Variants in GLIS3 observed in about 807,000 individuals in gnomAD.
GLIS3 encodes zinc finger protein GLIS3.
In GLIS3, 53 loss-of-function variants were observed where a neutral mutation model predicts 78.6. The observed-to-expected ratio is 0.67, with a 90% CI of 0.54 to 0.85. The LOEUF is 0.85. Among genes scored for constraint, GLIS3 ranks in the 40% least tolerant of loss-of-function variants. The pLI is 0.00. For synonymous variants in GLIS3, 684 were observed against 509.9 expected, an observed-to-expected ratio of 1.34 and a Z score of -4.60; for missense variants, 1,703 against 1,231.1, an observed-to-expected ratio of 1.38 and a Z score of -5.74.
chr9:4,132,596 T>A (rs934759400), intron 2 of GLIS3, among the ~76,000 whole-genome samples: 2 of 151,970 alleles, frequency 1.3e-5, no homozygotes, highest in Non-Finnish European at 2.9e-5. Flanking sequence ...TGCCAACCAC[T>A]AGCCAGGCAG....
chr9:4,319,405 G>A (rs1167285749), intron 2 of GLIS3, among the ~76,000 whole-genome samples: 8 of 152,126 alleles, frequency 5.3e-5, no homozygotes, highest in Admixed American at 2.6e-4. Flanking sequence ...GAAGGTACAT[G>A]GAAGCTCATT....
upstream of GLIS3, among the ~76,000 whole-genome samples, chr9:4,304,623 G>C (rs376276846): frequency 6.6e-6 from 1 of 152,282 alleles, no homozygotes; most frequent in Non-Finnish European, 1.5e-5. Context: ...AGAGAAGAAG[G>C]TGAATTATTT....
At chr9:4,003,081 CA>C (rs1459312774) in intron 4 of GLIS3, among the ~76,000 whole-genome samples, 1 of 152,084 alleles carries the variant, frequency 6.6e-6, no homozygotes, top group Non-Finnish European at 1.5e-5. Flanking sequence ...TACTACTTTT[CA>C]AAAGTTTTAT....
At chr9:3,966,358 G>C (rs747175757) in intron 4 of GLIS3, among the ~76,000 whole-genome samples, 1 of 151,786 alleles carries the variant, frequency 6.6e-6, no homozygotes, top group African/African-American at 2.4e-5. Flanking sequence ...TATTTATTGA[G>C]CAAATTCCAA....
intron 2 of GLIS3, among the ~76,000 whole-genome samples, chr9:4,221,535 G>A (rs1003313985): frequency 1.3e-5 from 2 of 152,090 alleles, no homozygotes; most frequent in Non-Finnish European, 2.9e-5. Context: ...AGTGAAGCAA[G>A]AGGCTTCGAA....
At position 4,062,241 on chromosome 9, in the gene GLIS3, G is replaced by A. The variant is rs574752657; in HGVS notation, c.1710+55527C>T. On this transcript the variant is annotated intron_variant, in intron 4 of 10. Coordinates refer to ENST00000381971, the MANE Select transcript of GLIS3 (RefSeq NM_001042413.2). ...CTTAGCGACTAATTTAGGAGAGAAAGGCATTTCATAATGAAAATCTTCATG... is the reference window on the plus strand; with the variant it reads ...CTTAGCGACTAATTTAGGAGAGAAAAGCATTTCATAATGAAAATCTTCATG... Among the ~76,000 whole-genome samples, 92 of 152,290 alleles carry A rather than the reference G, an allele frequency of 6.0e-4. 2 individuals are homozygous for A. In the South Asian group the frequency reaches 0.018, roughly 30 times the overall value.
chr9:4,265,516 C>T (rs1467471195), intron 2 of GLIS3, among the ~76,000 whole-genome samples: 1 of 152,124 alleles, frequency 6.6e-6, no homozygotes, highest in Non-Finnish European at 1.5e-5. Flanking sequence ...TATACTGCCT[C>T]TATCTGTCAT....
At chr9:4,311,232 A>G (rs1817350324) in intron 2 of GLIS3, among the ~76,000 whole-genome samples, 2 of 152,110 alleles carry the variant, frequency 1.3e-5, no homozygotes, top group Admixed American at 1.3e-4. Flanking sequence ...AACATGGCGA[A>G]ACCCCGTCTC....
chr9:4,325,409 G>C (rs1172812847), intron 2 of GLIS3, among the ~76,000 whole-genome samples: 2 of 152,152 alleles, frequency 1.3e-5, no homozygotes, highest in African/African-American at 4.8e-5. Context: ...AAAGGTTTAA[G>C]GAACAACATA....
chr9:4,393,755 C>T, the GLIS3 span, among the ~76,000 whole-genome samples: 20 of 152,304 alleles, frequency 1.3e-4, no homozygotes, highest in African/African-American at 4.6e-4. Context: ...CTGCGTACAT[C>T]ATATCAGGAG....
intron 1 of GLIS3, chr9:4,348,188 G>T (rs1368168338): frequency 2.0e-5 from 3 of 152,204 alleles, no homozygotes; most frequent in African/African-American, 7.2e-5. Flanking sequence ...TTGTCTGCAT[G>T]TAAGAGAACA....
At chr9:4,234,917 C>T (rs1822575563) in intron 2 of GLIS3, among the ~76,000 whole-genome samples, 1 of 152,136 alleles carries the variant, frequency 6.6e-6, no homozygotes, top group Non-Finnish European at 1.5e-5. Flanking sequence ...GTTGGAAGGA[C>T]TCAAAAAGGC....
chr9:4,458,376 T>G, the GLIS3 span, among the ~76,000 whole-genome samples: 1 of 152,062 alleles, frequency 6.6e-6, no homozygotes, highest in Non-Finnish European at 1.5e-5. Flanking sequence ...AATGAACAAA[T>G]GTACAAATAA....
At chr9:4,390,632 T>G in the GLIS3 span, among the ~76,000 whole-genome samples, 1 of 152,194 alleles carries the variant, frequency 6.6e-6, no homozygotes, top group South Asian at 2.1e-4. Flanking sequence ...GGTGACCCTC[T>G]GAAGAGGGTG....
chr9:4,393,585 C>G, the GLIS3 span, among the ~76,000 whole-genome samples: 1 of 152,152 alleles, frequency 6.6e-6, no homozygotes, highest in Admixed American at 6.5e-5. Context: ...GGAACAGTTT[C>G]TCAGTCATTC....
At chr9:3,971,779 A>G (rs756834931) in intron 4 of GLIS3, among the ~76,000 whole-genome samples, 1 of 152,196 alleles carries the variant, frequency 6.6e-6, no homozygotes, top group Non-Finnish European at 1.5e-5. Flanking sequence ...GGCTCCAGCA[A>G]TTAAATCCTA....
the GLIS3 span, among the ~76,000 whole-genome samples, chr9:4,428,632 C>G: frequency 1.3e-5 from 2 of 152,030 alleles, no homozygotes; most frequent in Non-Finnish European, 2.9e-5. Context: ...ATACTACCCA[C>G]AAGTCTGGGG....
chr9:4,367,186 T>G, the GLIS3 span, among the ~76,000 whole-genome samples: 3 of 152,240 alleles, frequency 2.0e-5, no homozygotes, highest in Non-Finnish European at 2.9e-5. Flanking sequence ...TCATGGCTTG[T>G]AAGCCGCCGA....
chr9:4,027,176 A>G (rs1823415824), intron 4 of GLIS3, among the ~76,000 whole-genome samples: 1 of 152,220 alleles, frequency 6.6e-6, no homozygotes, highest in Non-Finnish European at 1.5e-5. Context: ...CTGGGATGCA[A>G]TGTTAGCAAC....
Sources: allele counts gnomAD v4.1 joint callset (sites outside exome capture counted in the v4.1 genomes callset), GRCh38; gene constraint gnomAD v4.1.1; transcripts MANE v1.5; gene names NCBI Gene and HGNC (gene_info 2026-07-23, HGNC 2026-07-21).